WHRN: variants seen among roughly 807,000 people sequenced by gnomAD.
WHRN encodes CASK-interacting protein CIP98.
A neutral mutation model predicts 68.3 loss-of-function variants in WHRN; 41 were observed. The observed-to-expected ratio is 0.60, with a 90% CI of 0.47 to 0.78. The LOEUF (loss-of-function observed/expected upper bound fraction) is 0.78. Among genes scored for constraint, WHRN ranks in the 30% least tolerant of loss-of-function variants. WHRN has a pLI of 0.00. For missense variants in WHRN, 1,243 were observed against 1,244.7 expected (o/e 1.00, Z 0.02); for synonymous variants, 560 against 561.3 (o/e 1.00, Z 0.03).
At chr9:114,425,419 G>A (rs949744658) in intron 4 of WHRN, 5 of 534,550 alleles carry the variant, frequency 9.4e-6, no homozygotes, top group Admixed American at 3.3e-5. Context: ...TCGCAGGTGC[G>A]GCTCAGCTCC....
intron 3 of WHRN, among the ~76,000 whole-genome samples, chr9:114,465,799 C>T (rs963764085): frequency 3.3e-5 from 5 of 152,130 alleles, no homozygotes; most frequent in East Asian, 1.9e-4. Flanking sequence ...CTCAGGGTCA[C>T]GTGAGGAGTC....
chr9:114,439,614 A>T (rs1277711536), intron 3 of WHRN, among the ~76,000 whole-genome samples: 2 of 133,978 alleles, frequency 1.5e-5, no homozygotes. Flanking sequence ...TATTTCATGT[A>T]TATCTGTATG....
At chr9:114,416,170 C>G (rs992453596) in intron 7 of WHRN, among the ~76,000 whole-genome samples, 1 of 152,180 alleles carries the variant, frequency 6.6e-6, no homozygotes. Flanking sequence ...GGGCTGGGAG[C>G]CTCCTTCCAG....
chr9:114,464,382 A>G (rs1379107546), intron 3 of WHRN, among the ~76,000 whole-genome samples: 1 of 152,226 alleles, frequency 6.6e-6, no homozygotes, highest in African/African-American at 2.4e-5. Context: ...TGGAAGTCCA[A>G]GATCAAGACG....
At chr9:114,430,811 A>T (rs1200852355) in intron 3 of WHRN, among the ~76,000 whole-genome samples, 2 of 152,126 alleles carry the variant, frequency 1.3e-5, no homozygotes, top group Non-Finnish European at 2.9e-5. Flanking sequence ...CCATCTTCCC[A>T]ATCTCTTTTC....
chr9:114,403,882 T>C lies in WHRN; in HGVS notation c.2418+14A>G, dbSNP rs371670273. The C allele has an allele frequency of 2.0e-5, 32 of 1,609,562 alleles. No homozygotes were observed. Among genetic ancestry groups the C allele is most frequent in the Non-Finnish European group, 2.7e-5 (32 of 1,179,986 alleles). On this transcript the variant is annotated intron_variant, in intron 10 of 11. Transcript: ENST00000362057. ...TTCCTCTCAGCCCTCTGCATCCTCC[T>C]CCTCCTGGCTCACCGGTTTGTTGGC...
At chr9:114,435,623 G>T (rs1389667621) in intron 3 of WHRN, among the ~76,000 whole-genome samples, 1 of 152,154 alleles carries the variant, frequency 6.6e-6, no homozygotes, top group African/African-American at 2.4e-5. Context: ...GGTGTCACTG[G>T]TCCAAGGCTT....
intron 3 of WHRN, among the ~76,000 whole-genome samples, chr9:114,429,428 C>A (rs76576991): frequency 0.03 from 4,588 of 152,280 alleles, 105 homozygotes; most frequent in South Asian, 0.05. Flanking sequence ...AGCTTTTGTG[C>A]CTCACTTTCG....
intron 7 of WHRN, among the ~76,000 whole-genome samples, chr9:114,411,844 A>G (rs1075559): frequency 0.22 from 32,920 of 152,152 alleles, 3,788 homozygotes; most frequent in Middle Eastern, 0.31. Context: ...TTTCTAACCC[A>G]GGTCTGGGTC....
intron 1 of WHRN, among the ~76,000 whole-genome samples, chr9:114,486,798 G>C (rs1334427005): frequency 1.7e-5 from 2 of 116,318 alleles, no homozygotes; most frequent in Non-Finnish European, 3.3e-5. Context: ...CCCAATCTGT[G>C]CCCCAGCTTC....
intron 1 of WHRN, 127 bp downstream of exon 1, chr9:114,504,057 T>TA (rs5900094): frequency 4.4e-4 from 465 of 1,046,100 alleles, no homozygotes; most frequent in African/African-American, 9.6e-4. Context: ...TTTAAAGTAT[T>TA]AAAAAAAAAA....
At chr9:114,486,930 GTGTGTGTGTGT>G (rs1362733237) in intron 1 of WHRN, among the ~76,000 whole-genome samples, 42 of 47,250 alleles carry the variant, frequency 8.9e-4, no homozygotes, top group African/African-American at 1.9e-3. Context: ...TGTGTAGAGT[GTGTGTGTGTGT>G]TGTGTGTGTG....
intron 7 of WHRN, among the ~76,000 whole-genome samples, chr9:114,420,472 C>A (rs939752548): frequency 2.6e-5 from 4 of 152,184 alleles, no homozygotes; most frequent in African/African-American, 9.7e-5. Context: ...TGAGGTCACA[C>A]CTGCTAATGA....
intron 10 of WHRN, 55 bp from the exon 11 acceptor site, chr9:114,403,394 A>G (rs756869195): frequency 1.2e-4 from 200 of 1,611,970 alleles, no homozygotes; most frequent in Non-Finnish European, 1.7e-4. Context: ...AGGCCTGGCC[A>G]GGGGGCTGGG....
chr9:114,461,416 A>C (rs1234579228), intron 3 of WHRN, among the ~76,000 whole-genome samples: 1 of 152,186 alleles, frequency 6.6e-6, no homozygotes, highest in Non-Finnish European at 1.5e-5. Flanking sequence ...TTTGCAGCCC[A>C]CGTTTCCCAC....
intron 11 of WHRN, 90 bp downstream of exon 11, chr9:114,403,127 T>A: frequency 6.3e-7 from 1 of 1,588,656 alleles, no homozygotes; most frequent in Admixed American, 1.7e-5. Context: ...AGTGCCGTGT[T>A]ACCCATGGGA....
Position 114,430,281 on chromosome 9 carries a change from G to A in WHRN, c.964-3868C>T, listed in dbSNP as rs570283087. 3.9e-5 allele frequency among the ~76,000 whole-genome samples: 6 copies of A among 152,264 alleles called. No homozygotes were observed. The South Asian group carries it at 8.3e-4, about 21-fold the overall frequency. On this transcript the variant is annotated intron_variant, in intron 3 of 11. Coordinates refer to ENST00000362057, the MANE Select transcript of WHRN (RefSeq NM_015404.4). ...GGGAAGGTTGCCGGATAAAATATAG[G>A]ATGCCCAGTTAAACTTGAATTTCAG... is the stretch of plus-strand genomic sequence containing the variant.
chr9:114,457,723 C>T (rs10982225), intron 3 of WHRN, among the ~76,000 whole-genome samples: 72,164 of 151,648 alleles, frequency 0.48, 17,539 homozygotes, highest in East Asian at 0.65. Context: ...TGAAACCCGC[C>T]TGGCCAACGT....
chr9:114,500,256 G>A (rs537520527), intron 1 of WHRN, among the ~76,000 whole-genome samples: 1 of 152,224 alleles, frequency 6.6e-6, no homozygotes, highest in African/African-American at 2.4e-5. Context: ...CCAGAGGAAG[G>A]TCTGTGCATG....
Sources: gnomAD v4.1 joint callset for allele counts (sites outside exome capture counted in the v4.1 genomes callset) on GRCh38, gnomAD v4.1.1 for gene constraint, MANE v1.5 for transcripts, NCBI Gene and HGNC (gene_info 2026-07-23, HGNC 2026-07-21) for gene names.